Variants in PALLD observed in about 807,000 individuals in gnomAD.
The protein encoded by PALLD is palladin.
A neutral mutation model predicts 123.5 loss-of-function variants in PALLD; 61 were observed. The observed-to-expected ratio is 0.49, with a 90% CI of 0.40 to 0.61. The LOEUF is 0.61. Among genes scored for constraint, PALLD ranks in the 20% least tolerant of loss-of-function variants. The pLI is 0.00. For synonymous variants in PALLD, 465 were observed against 496.4 expected, an observed-to-expected ratio of 0.94 and a Z score of 0.84; for missense variants, 1,273 against 1,377.0, an observed-to-expected ratio of 0.92 and a Z score of 1.20.
At chr4:168,580,667 T>C (rs62335503) in intron 2 of PALLD, among the ~76,000 whole-genome samples, 1 of 152,114 alleles carries the variant, frequency 6.6e-6, no homozygotes, top group South Asian at 2.1e-4. Context: ...TAAAGACATA[T>C]GTATGCATAT....
chr4:168,894,450 A>G, intron 11 of PALLD, 129 bp from the exon 12 acceptor site: 2 of 705,732 alleles, frequency 2.8e-6, no homozygotes, highest in Non-Finnish European at 5.1e-6. Flanking sequence ...ATATGCAGGT[A>G]TCTGAAGCTG....
At chr4:168,658,674 A>G (rs1453465021) in intron 2 of PALLD, among the ~76,000 whole-genome samples, 3 of 152,212 alleles carry the variant, frequency 2.0e-5, no homozygotes, top group Admixed American at 6.5e-5. Flanking sequence ...AAAAGAAAAA[A>G]AAAAGGCAAG....
intron 4 of PALLD, among the ~76,000 whole-genome samples, chr4:168,682,461 T>TAGA (rs1781636884): frequency 6.6e-6 from 1 of 152,182 alleles, no homozygotes; most frequent in Non-Finnish European, 1.5e-5. Flanking sequence ...CAACTCTTCT[T>TAGA]AATCTTCTCT....
intron 10 of PALLD, among the ~76,000 whole-genome samples, chr4:168,850,931 C>T (rs952208886): frequency 4.6e-5 from 7 of 152,138 alleles, no homozygotes; most frequent in Admixed American, 2.0e-4. Context: ...CATGTGTCTG[C>T]GAACCCTAGC....
rs549426258 is a variant in PALLD, at chr4:168,761,764, G to A, written c.1964+49841G>A. Among the ~76,000 whole-genome samples, 22 of 148,014 alleles carry A rather than the reference G, an allele frequency of 1.5e-4. No individual in the cohort carries two copies. In the South Asian group the frequency reaches 1.7e-3, roughly 12 times the overall value. On this transcript the variant is annotated intron_variant, in intron 10 of 21. Transcript: ENST00000505667. ...TGGGCTCAAGTGATCCACTGCCTCC[G>A]CCTCCCAAAGTGCTGGGATTACAGG... is the stretch of plus-strand genomic sequence containing the variant.
chr4:168,899,415 T>G (rs913248882), intron 14 of PALLD, among the ~76,000 whole-genome samples: 1 of 152,054 alleles, frequency 6.6e-6, no homozygotes, highest in African/African-American at 2.4e-5. Context: ...AGGGAAAAAA[T>G]TAAAACCCCT....
intron 10 of PALLD, among the ~76,000 whole-genome samples, chr4:168,756,791 C>T (rs1445613547): frequency 6.6e-6 from 1 of 152,164 alleles, no homozygotes; most frequent in East Asian, 1.9e-4. Context: ...ACTTGAGAGT[C>T]ACCACAGGAG....
intron 2 of PALLD, among the ~76,000 whole-genome samples, chr4:168,658,381 C>T (rs1580803154): frequency 6.8e-6 from 1 of 147,420 alleles, no homozygotes; most frequent in East Asian, 2.0e-4. Context: ...AATTCCTGGG[C>T]TCAAGTGATC....
In PALLD at chr4:168,511,624, C is replaced by A. The variant is rs781680143; in HGVS notation, c.120C>A (p.Asn40Lys). 2 of 1,614,138 alleles carry A rather than the reference C, an allele frequency of 1.2e-6. No individual in the cohort carries two copies. Among genetic ancestry groups the A allele is most frequent in the Non-Finnish European group, 1.7e-6 (2 of 1,180,000 alleles). Residue 40 changes from asparagine to lysine, a missense_variant, in exon 2 of 22, where the codon AAC (asparagine) becomes AAA (lysine). Transcript: ENST00000505667. ...LSAFLSQEEI[N>K]KSLDLARRAI... is the part of the protein sequence containing the mutation. ...CTTTCCTCAGCCAGGAAGAGATAAA[C>A]AAGAGTCTTGACCTGGCCCGGAGAG...
At chr4:168,567,833 T>C (rs1223618749) in intron 2 of PALLD, among the ~76,000 whole-genome samples, 1 of 151,796 alleles carries the variant, frequency 6.6e-6, no homozygotes, top group Non-Finnish European at 1.5e-5. Flanking sequence ...AAAAATTACC[T>C]ATCGGGTACA....
intron 10 of PALLD, among the ~76,000 whole-genome samples, chr4:168,762,407 A>G (rs779012887): frequency 1.3e-5 from 2 of 152,136 alleles, no homozygotes; most frequent in South Asian, 2.1e-4. Flanking sequence ...TGGGAGGTTG[A>G]GGTTACAGTG....
At chr4:168,744,056 G>A (rs1030927014) in intron 10 of PALLD, among the ~76,000 whole-genome samples, 18 of 152,146 alleles carry the variant, frequency 1.2e-4, no homozygotes, top group African/African-American at 3.9e-4. Flanking sequence ...TCGGGGGAGA[G>A]CAAACAGATG....
intron 1 of PALLD, among the ~76,000 whole-genome samples, chr4:168,504,290 G>C (rs1274710900): frequency 2.6e-5 from 4 of 152,156 alleles, no homozygotes; most frequent in African/African-American, 7.2e-5. Context: ...GCAACTTCAA[G>C]CAAATTAAAA....
chr4:168,609,994 T>G (rs1223854386), intron 2 of PALLD, among the ~76,000 whole-genome samples: 1 of 152,238 alleles, frequency 6.6e-6, no homozygotes, highest in African/African-American at 2.4e-5. Context: ...ATTCATTTTT[T>G]GTCTATGTTC....
intron 10 of PALLD, among the ~76,000 whole-genome samples, chr4:168,724,734 T>G (rs2150279147): frequency 6.6e-6 from 1 of 152,280 alleles, no homozygotes; most frequent in South Asian, 2.1e-4. Flanking sequence ...GATCAGAACC[T>G]CAGATTTTGC....
chr4:168,501,310 A>C (rs924366532), intron 1 of PALLD, among the ~76,000 whole-genome samples: 1 of 152,156 alleles, frequency 6.6e-6, no homozygotes, highest in Non-Finnish European at 1.5e-5. Flanking sequence ...GCTACTTGGG[A>C]AGCTAAAGTA....
intron 8 of PALLD, among the ~76,000 whole-genome samples, chr4:168,708,483 C>T (rs1181045145): frequency 6.6e-6 from 1 of 152,168 alleles, no homozygotes; most frequent in Non-Finnish European, 1.5e-5. Context: ...CGAGTCTGGG[C>T]TTTTCATGCC....
rs113611540 is a variant in PALLD, at chr4:168,760,350, C to G, written c.1964+48427C>G. ...CGGGGAGGCCTCAACACAGCCAGCC[C>G]CTTGGTTACTCTACTGTGACTACCT... On this transcript the variant is annotated intron_variant, in intron 10 of 21. Transcript: ENST00000505667. 6.4e-3 allele frequency among the ~76,000 whole-genome samples: 970 copies of G among 152,206 alleles called. 9 individuals are homozygous for G. The highest frequency in any genetic ancestry group is 0.022 in the African/African-American group (929 of 41,514).
chr4:168,790,166 T>TC (rs1249659395), intron 10 of PALLD, among the ~76,000 whole-genome samples: 2 of 150,780 alleles, frequency 1.3e-5, no homozygotes, highest in Non-Finnish European at 3.0e-5. Flanking sequence ...TTCTTTTTTT[T>TC]TTTTTTTTTT....
Sources: allele counts gnomAD v4.1 joint callset (sites outside exome capture counted in the v4.1 genomes callset), GRCh38; gene constraint gnomAD v4.1.1; transcripts MANE v1.5; gene names NCBI Gene and HGNC (gene_info 2026-07-23, HGNC 2026-07-21).